Variants in PAFAH1B1 observed in about 807,000 individuals in gnomAD.
The protein encoded by PAFAH1B1 is platelet-activating factor acetylhydrolase IB subunit beta.
In PAFAH1B1, 2 loss-of-function variants were observed where a neutral mutation model predicts 57.5. That is an observed-to-expected ratio of 0.03 (90% confidence interval 0.01 to 0.11). PAFAH1B1 has a LOEUF of 0.11. Ranked by LOEUF, PAFAH1B1 falls within the 10% of genes least tolerant of loss-of-function variation. The probability of loss-of-function intolerance (pLI) is 1.00; values close to 1 mark genes in which losing one functional copy is unlikely to be tolerated. For synonymous variants in PAFAH1B1, 152 were observed against 169.6 expected, an observed-to-expected ratio of 0.90 and a Z score of 0.81; for missense variants, 257 against 512.0, an observed-to-expected ratio of 0.50 and a Z score of 4.81.
At position 2,600,737 on chromosome 17, in the gene PAFAH1B1, T is replaced by G. The variant is rs186274654; in HGVS notation, c.-191+6731T>G. Among the ~76,000 whole-genome samples the G allele has an allele frequency of 5.4e-3, 823 of 152,160 alleles. 6 individuals are homozygous for G. The highest frequency in any genetic ancestry group is 0.016 in the South Asian group (79 of 4,826). On this transcript the variant is annotated intron_variant, in intron 1 of 10. Coordinates refer to ENST00000397195, the MANE Select transcript of PAFAH1B1 (RefSeq NM_000430.4). ...TTGATTATTTAGTATTTTGGTTAAG[T>G]TTTTCTTTTTGAGACGGACTCTCGC...
chr17:2,634,326 G>A (rs1263922763), intron 1 of PAFAH1B1, among the ~76,000 whole-genome samples: 3 of 152,034 alleles, frequency 2.0e-5, no homozygotes, highest in African/African-American at 7.2e-5. Flanking sequence ...TAGTAGAGAC[G>A]GGGTTTTGCC....
In PAFAH1B1 at chr17:2,682,484, T is replaced by A. The variant is rs2069399163; in HGVS notation, c.*682T>A. The A allele has an allele frequency of 6.6e-6, 1 of 152,654 alleles. No homozygotes were observed. The allele number at this position is 152,654 out of a possible 1,614,324, so 9.5% of individuals were successfully genotyped here. ...AAAAATCTCAGCAGCTAATAGCAAC[T>A]CATTTATTTCATTTTGGTCTTAATG... On this transcript the variant is annotated 3_prime_UTR_variant, in exon 11 of 11. Coordinates refer to ENST00000397195, the MANE Select transcript of PAFAH1B1 (RefSeq NM_000430.4).
intron 8 of PAFAH1B1, among the ~76,000 whole-genome samples, chr17:2,675,730 A>T (rs573652290): frequency 5.1e-4 from 78 of 152,016 alleles, no homozygotes; most frequent in African/African-American, 1.9e-3. Context: ...AGTCCCAGCC[A>T]CTAGGGAGAC....
At chr17:2,646,607 G>A (rs2068772648) in intron 2 of PAFAH1B1, among the ~76,000 whole-genome samples, 1 of 152,078 alleles carries the variant, frequency 6.6e-6, no homozygotes, top group Admixed American at 6.5e-5. Context: ...AGCCAAGGTT[G>A]CGCACTCCAG....
chr17:2,641,858 C>T (rs183005803), intron 2 of PAFAH1B1: 7 of 152,218 alleles, frequency 4.6e-5, no homozygotes, highest in South Asian at 2.1e-4. Flanking sequence ...TATACTGACA[C>T]CCTAGTATAC....
intron 4 of PAFAH1B1, among the ~76,000 whole-genome samples, chr17:2,666,336 G>A (rs576116113): frequency 2.0e-5 from 3 of 152,140 alleles, no homozygotes; most frequent in African/African-American, 7.2e-5. Context: ...GATACTGAAA[G>A]AACTCATTTG....
At position 2,593,916 on chromosome 17, in the gene PAFAH1B1, T is replaced by TTCCTCCC. The variant is rs2068052955; in HGVS notation, c.-277_-271dup. 1.5e-5 allele frequency: 2 copies of TTCCTCCC among 131,038 alleles called. No individual in the cohort carries two copies. Among genetic ancestry groups the TTCCTCCC allele is most frequent in the African/African-American group, 7.6e-5 (2 of 26,440 alleles). 8.1% of individuals were successfully genotyped at this position (131,038 alleles called of 1,614,324 possible). On this transcript the variant is annotated 5_prime_UTR_variant, in exon 1 of 11. Transcript: ENST00000397195. ...CCCCCCTCCTTCCCTCCCTCCCTCC[T>TTCCTCCC]TCCTCCCTCCCCTCTCCCTCCCCCT...
At chr17:2,644,524 C>T (rs2068741504) in intron 2 of PAFAH1B1, among the ~76,000 whole-genome samples, 1 of 151,766 alleles carries the variant, frequency 6.6e-6, no homozygotes, top group Admixed American at 6.6e-5. Flanking sequence ...GCCTGGGCAA[C>T]AAGAGTGAGA....
In PAFAH1B1 at chr17:2,613,839, C is replaced by T. The variant is rs559000007; in HGVS notation, c.-191+19833C>T. On this transcript the variant is annotated intron_variant, in intron 1 of 10. Coordinates refer to ENST00000397195, the MANE Select transcript of PAFAH1B1 (RefSeq NM_000430.4). ...CTCCACTCGGGCAGGGGCAGGAATC[C>T]GTAGCCTGGGATCTGGCACAGAGGT... The T allele has an allele frequency of 8.0e-4, 205 of 256,372 alleles. 1 individual carries two copies. The highest frequency in any genetic ancestry group is 4.2e-3 in the African/African-American group (181 of 43,322). 15.9% of individuals were successfully genotyped at this position (256,372 alleles called of 1,614,324 possible).
chr17:2,676,885 G>A (rs2069276596), intron 9 of PAFAH1B1, among the ~76,000 whole-genome samples: 1 of 152,086 alleles, frequency 6.6e-6, no homozygotes, highest in Admixed American at 6.6e-5. Flanking sequence ...TATCTCGGCC[G>A]GGCGCGGTGG....
chr17:2,659,844 T>A (rs1325186815), intron 2 of PAFAH1B1, among the ~76,000 whole-genome samples: 1 of 151,934 alleles, frequency 6.6e-6, no homozygotes, highest in Non-Finnish European at 1.5e-5. Context: ...CAAAAAAAAA[T>A]TAGGAAGCCT....
At chr17:2,651,774 CCA>C (rs34948212) in intron 2 of PAFAH1B1, among the ~76,000 whole-genome samples, 129 of 152,082 alleles carry the variant, frequency 8.5e-4, no homozygotes, top group African/African-American at 2.9e-3. Context: ...TTGCCTTTCC[CCA>C]GTTTCCCCTA....
intron 8 of PAFAH1B1, 105 bp downstream of exon 8, chr17:2,674,393 T>G (rs2069231804): frequency 7.5e-6 from 6 of 797,462 alleles, no homozygotes; most frequent in Admixed American, 2.0e-5. Context: ...TTTAAAAATC[T>G]GCATCCAGCA....
At chr17:2,673,857 A>G in intron 7 of PAFAH1B1, 1 of 560,624 alleles carries the variant, frequency 1.8e-6, no homozygotes, top group Non-Finnish European at 3.2e-6. Context: ...TATCTTCTAG[A>G]TGTTGATTTT....
At chr17:2,626,206 A>G (rs2068486966) in intron 1 of PAFAH1B1, among the ~76,000 whole-genome samples, 1 of 152,002 alleles carries the variant, frequency 6.6e-6, no homozygotes, top group Non-Finnish European at 1.5e-5. Flanking sequence ...GTAAGCCGAG[A>G]TCACGCCACT....
At chr17:2,672,592 A>C (rs778665162) in intron 6 of PAFAH1B1, 63 bp from the exon 7 acceptor site, 16 of 1,104,830 alleles carry the variant, frequency 1.4e-5, no homozygotes, top group Non-Finnish European at 2.1e-5. Flanking sequence ...CCCATGGTCA[A>C]TTGATGTTTC....
At chr17:2,613,198 G>T in intron 1 of PAFAH1B1, 1 of 165,646 alleles carries the variant, frequency 6.0e-6, no homozygotes, top group African/African-American at 2.4e-5. Flanking sequence ...AAGAATGCAA[G>T]CTGTGGGAGG....
intron 2 of PAFAH1B1, among the ~76,000 whole-genome samples, chr17:2,652,486 TTTG>T (rs2068876125): frequency 6.6e-6 from 1 of 152,212 alleles, no homozygotes; most frequent in Non-Finnish European, 1.5e-5. Flanking sequence ...TTTAAGCATT[TTTG>T]TTGTTGTTTA....
intron 1 of PAFAH1B1, among the ~76,000 whole-genome samples, chr17:2,632,292 T>A (rs1362151617): frequency 6.6e-6 from 1 of 152,232 alleles, no homozygotes; most frequent in Non-Finnish European, 1.5e-5. Context: ...TCAAAAAAAT[T>A]CAGTTATTTA....
Sources: allele counts gnomAD v4.1 joint callset (sites outside exome capture counted in the v4.1 genomes callset), GRCh38; gene constraint gnomAD v4.1.1; transcripts MANE v1.5; gene names NCBI Gene and HGNC (gene_info 2026-07-23, HGNC 2026-07-21).